Variants in ABCB9 observed in about 807,000 individuals in gnomAD.
ABCB9 encodes ATP binding cassette subfamily B member 9, also known as ABC-type oligopeptide transporter ABCB9.
In ABCB9, 36 loss-of-function variants were observed where a neutral mutation model predicts 62.0. The ratio of observed to expected loss-of-function variants is 0.58; its 90% CI spans 0.45 to 0.77. The LOEUF (loss-of-function observed/expected upper bound fraction) is 0.77. Among genes scored for constraint, ABCB9 ranks in the 30% least tolerant of loss-of-function variants. The pLI is 0.00. For synonymous variants in ABCB9, 435 were observed against 461.4 expected, an observed-to-expected ratio of 0.94 and a Z score of 0.73; for missense variants, 943 against 1,054.7, an observed-to-expected ratio of 0.89 and a Z score of 1.47.
At chr12:122,952,352 T>C (rs1318847580) in intron 2 of ABCB9, 1 of 152,300 alleles carries the variant, frequency 6.6e-6, no homozygotes, top group Non-Finnish European at 1.5e-5. Context: ...GTTCTTTCCA[T>C]GAGCAGAGCC....
chr12:122,968,601 G>A (rs983048464), upstream of ABCB9, among the ~76,000 whole-genome samples: 35 of 146,006 alleles, frequency 2.4e-4, 1 homozygote, highest in Non-Finnish European at 4.5e-5. Context: ...CAGCGATCAA[G>A]TTTGCAAGCT....
rs980108574 is a variant in ABCB9, at chr12:122,931,923, T to C, written c.2040+269A>G. 3 of 556,008 alleles carry C rather than the reference T, an allele frequency of 5.4e-6. No individual in the cohort carries two copies. The East Asian group carries it at 1.0e-4, about 19-fold the overall frequency. 34.4% of individuals were successfully genotyped at this position (556,008 alleles called of 1,614,324 possible). On this transcript the variant is annotated intron_variant, in intron 11 of 11. Transcript: ENST00000280560. ...CCTCCCAAAGTGCTGGGATTACAGGTGTAAGCCACCACTCATGACCCAGGT... is the reference window on the plus strand; with the variant it reads ...CCTCCCAAAGTGCTGGGATTACAGGCGTAAGCCACCACTCATGACCCAGGT...
chr12:122,962,030 C>G (rs1224406339), intron 1 of ABCB9, among the ~76,000 whole-genome samples: 1 of 152,194 alleles, frequency 6.6e-6, no homozygotes, highest in Non-Finnish European at 1.5e-5. Flanking sequence ...CACAGCAATC[C>G]AGAAACCTTG....
At position 122,929,169 on chromosome 12, in the gene ABCB9, G is replaced by A; in HGVS notation, c.*742C>T. On this transcript the variant is annotated 3_prime_UTR_variant, in exon 12 of 12. Transcript: ENST00000280560. The surrounding 1 kb of genome is among the most constrained non-coding windows in gnomAD (Gnocchi z 6.0). ...GAGCACAGGGGCGGGTGTGGGGAGG[G>A]AGGCTGCCAGCCAGGGGTGGGTGGA... The A allele has an allele frequency of 3.7e-6, 1 of 272,098 alleles. No individual in the cohort carries two copies. The highest frequency in any genetic ancestry group is 5.5e-6 in the Non-Finnish European group (1 of 180,932). The allele number at this position is 272,098 out of a possible 1,614,324, so 16.9% of individuals were successfully genotyped here. A position where few individuals can be genotyped will look rare whatever the true frequency, so the allele number is the denominator to read the frequency against.
rs2036252118 is a variant in ABCB9 at position 122,949,745 on chromosome 12, G to A, written c.847+43C>T. 3 of 1,610,216 alleles carry A rather than the reference G, an allele frequency of 1.9e-6. No individual in the cohort carries two copies. The Admixed American group carries it at 5.0e-5, about 27-fold the overall frequency. ...CAGTGCCAGGCAAGCCCACAGGGGT[G>A]GGGCCCAGCCCCCAGGACACCTAGG... On this transcript the variant is annotated intron_variant, in intron 4 of 11. Transcript: ENST00000280560.
Position 122,932,134 on chromosome 12 carries a change from G to A in ABCB9, c.2040+58C>T. The A allele has an allele frequency of 6.5e-7, 1 of 1,549,782 alleles. No homozygotes were observed. Among genetic ancestry groups the A allele is most frequent in the Non-Finnish European group, 8.7e-7 (1 of 1,146,966 alleles). On this transcript the variant is annotated intron_variant, in intron 11 of 11. Transcript: ENST00000280560. The surrounding 1 kb of genome is among the most constrained non-coding windows in gnomAD (Gnocchi z 4.7). ...CAGCATCCATCTGCTGGGCGATGGG[G>A]GCTCTGGCCACCTGGAGCCGCTCCT...
At position 122,930,731 on chromosome 12, in the gene ABCB9, C is replaced by T. The variant is rs1448118457; in HGVS notation, c.2041-560G>A. ...GCCTTCCTTGTTTCTTATCTGCCTT[C>T]CCCACTGGAATGGAAACACCATGGG... On this transcript the variant is annotated intron_variant, in intron 11 of 11. Transcript: ENST00000280560. The surrounding 1 kb of genome is among the most constrained non-coding windows in gnomAD (Gnocchi z 4.9). Among the ~76,000 whole-genome samples, 1 of 151,870 alleles carries T rather than the reference C, an allele frequency of 6.6e-6. No homozygotes were observed. The highest frequency in any genetic ancestry group is 3.2e-3 in the Middle Eastern group (1 of 316).
chr12:122,966,609 C>T (rs1451056564), upstream of ABCB9: 10 of 151,980 alleles, frequency 6.6e-5, no homozygotes, highest in Admixed American at 6.6e-4. Flanking sequence ...GGCGGGGCCC[C>T]CGAGGAGGGG....
upstream of ABCB9, among the ~76,000 whole-genome samples, chr12:122,970,015 A>G (rs1481800440): frequency 1.3e-5 from 2 of 152,168 alleles, no homozygotes; most frequent in African/African-American, 4.8e-5. Context: ...ACTCTGTGAT[A>G]TTTACCCAGA....
chr12:122,974,998 C>T (rs1477679603), exon 1 of ABCB9: 3 of 376,552 alleles, frequency 8.0e-6, no homozygotes, highest in Admixed American at 4.2e-5. Flanking sequence ...CCCAGTTCAG[C>T]TGTCTGTAAA....
chr12:122,955,483 T>G (rs891532277), intron 2 of ABCB9, among the ~76,000 whole-genome samples: 2 of 152,186 alleles, frequency 1.3e-5, no homozygotes, highest in African/African-American at 4.8e-5. Context: ...TGCCAGCTAC[T>G]GGGATCCAGG....
chr12:122,929,497 T>C lies in ABCB9; in HGVS notation c.*414A>G, dbSNP rs1193855097. 3 of 997,022 alleles carry C rather than the reference T, an allele frequency of 3.0e-6. No homozygotes were observed. In the East Asian group the frequency reaches 3.2e-4, roughly 106 times the overall value. 61.8% of individuals were successfully genotyped at this position (997,022 alleles called of 1,614,324 possible). ...AGTCTCTGGACATCCCCCAGGCTAC[T>C]AAGGAAGGGCCATTCACTCCTGGCT... is the stretch of plus-strand genomic sequence containing the variant. On this transcript the variant is annotated 3_prime_UTR_variant, in exon 12 of 12. Coordinates refer to ENST00000280560, the MANE Select transcript of ABCB9 (RefSeq NM_019625.4). The surrounding 1 kb of genome is among the most constrained non-coding windows in gnomAD (Gnocchi z 6.0).
rs1361679380 is a variant in ABCB9, at chr12:122,946,152, A to G, written c.1124T>C (p.Met375Thr). Reference protein sequence around the residue: ...SNTAEETISAMKTVRSFANEE... With the variant: ...SNTAEETISATKTVRSFANEE... ...ATTGGCGAAGCTCCGGACAGTCTTCATGGCACTGATGGTCTCCTCCGCCGT... is the reference window on the plus strand; with the variant it reads ...ATTGGCGAAGCTCCGGACAGTCTTCGTGGCACTGATGGTCTCCTCCGCCGT... Residue 375 changes from methionine (M) to threonine (T), a missense_variant, in exon 6 of 12, where the codon ATG (methionine) becomes ACG (threonine). Coordinates refer to ENST00000280560, the MANE Select transcript of ABCB9 (RefSeq NM_019625.4). The G allele has an allele frequency of 6.2e-7, 1 of 1,614,008 alleles. No homozygotes were observed. The highest frequency in any genetic ancestry group is 1.3e-5 in the African/African-American group (1 of 74,904).
At chr12:122,939,147 G>A (rs1027879749) in intron 9 of ABCB9, among the ~76,000 whole-genome samples, 1 of 152,126 alleles carries the variant, frequency 6.6e-6, no homozygotes, top group Non-Finnish European at 1.5e-5. Context: ...ACTCCAGCTT[G>A]GGCAACAGAG....
intron 7 of ABCB9, among the ~76,000 whole-genome samples, chr12:122,943,878 C>T (rs559075102): frequency 1.3e-4 from 20 of 152,182 alleles, no homozygotes; most frequent in Non-Finnish European, 2.4e-4. Flanking sequence ...CAGGCTCAAG[C>T]GATTCTCTAG....
chr12:122,923,229 AG>A (rs1356454266), intron 11 of ABCB9, among the ~76,000 whole-genome samples: 1 of 151,852 alleles, frequency 6.6e-6, no homozygotes, highest in Non-Finnish European at 1.5e-5. Context: ...CAGGCTCCTG[AG>A]GAGCTGAAAC....
chr12:122,935,042 A>T (rs995788605), intron 10 of ABCB9, among the ~76,000 whole-genome samples: 5 of 152,064 alleles, frequency 3.3e-5, no homozygotes, highest in African/African-American at 9.6e-5. Flanking sequence ...TACTTAATAA[A>T]TATTTTGCTG....
At chr12:122,974,830 A>C (rs2037358572) in exon 1 of ABCB9, 1 of 159,926 alleles carries the variant, frequency 6.3e-6, no homozygotes, top group African/African-American at 2.4e-5. Context: ...TGATTGAAGC[A>C]CCAGCGGGAA....
chr12:122,936,782 T>TA (rs2035478689), intron 9 of ABCB9, among the ~76,000 whole-genome samples: 1 of 151,506 alleles, frequency 6.6e-6, no homozygotes, highest in East Asian at 1.9e-4. Context: ...TGCATGCCTG[T>TA]AATCCCAGCT....
Sources: gnomAD v4.1 joint callset for allele counts (sites outside exome capture counted in the v4.1 genomes callset) on GRCh38, gnomAD v4.1.1 for gene constraint, Gnocchi (gnomAD v3.1) non-coding constraint, MANE v1.5 for transcripts, NCBI Gene and HGNC (gene_info 2026-07-23, HGNC 2026-07-21) for gene names.